Variants in ANGPT1 observed in about 807,000 individuals in gnomAD.
The protein encoded by ANGPT1 is angiopoietin 1, also known as angiopoietin-1.
A neutral mutation model predicts 62.2 loss-of-function variants in ANGPT1; 17 were observed. The observed-to-expected ratio is 0.27, with a 90% CI of 0.19 to 0.41. The LOEUF (loss-of-function observed/expected upper bound fraction) is 0.41, where lower values mean the gene tolerates loss of function less well. ANGPT1 is among the 10% of genes least tolerant of loss of function. ANGPT1 has a pLI of 1.00. For missense variants in ANGPT1, 478 were observed against 594.9 expected (o/e 0.80, Z 2.04); for synonymous variants, 199 against 198.9 (o/e 1.00, Z 0.00).
At chr8:107,342,455 T>C (rs1293576703) in intron 2 of ANGPT1, among the ~76,000 whole-genome samples, 1 of 152,158 alleles carries the variant, frequency 6.6e-6, no homozygotes, top group East Asian at 1.9e-4. Flanking sequence ...ACAGTAAACA[T>C]CTTAGGCTTG....
chr8:107,420,639 C>A (rs1563614872), intron 1 of ANGPT1, among the ~76,000 whole-genome samples: 1 of 152,020 alleles, frequency 6.6e-6, no homozygotes, highest in African/African-American at 2.4e-5. Context: ...CCTTATCAAC[C>A]CTGGAGAAAA....
intron 1 of ANGPT1, among the ~76,000 whole-genome samples, chr8:107,478,703 G>T (rs1405128041): frequency 6.6e-6 from 1 of 152,184 alleles, no homozygotes; most frequent in East Asian, 1.9e-4. Flanking sequence ...TATGTTCCTT[G>T]TCAATAGTTT....
chr8:107,486,235 T>C (rs1812811457), intron 1 of ANGPT1, among the ~76,000 whole-genome samples: 1 of 152,176 alleles, frequency 6.6e-6, no homozygotes, highest in Non-Finnish European at 1.5e-5. Context: ...AGAGGAGACA[T>C]GGCAAACGTT....
intron 2 of ANGPT1, among the ~76,000 whole-genome samples, chr8:107,338,421 A>G (rs972355936): frequency 6.6e-6 from 1 of 152,232 alleles, no homozygotes; most frequent in Non-Finnish European, 1.5e-5. Flanking sequence ...CACTTGCCTC[A>G]CCCTACAGTC....
chr8:107,289,339 TA>T (rs887191120), intron 6 of ANGPT1, among the ~76,000 whole-genome samples: 2 of 152,164 alleles, frequency 1.3e-5, no homozygotes, highest in African/African-American at 4.8e-5. Flanking sequence ...TCCAAGTTAA[TA>T]AAATAATTGT....
chr8:107,345,883 C>A (rs1236877956), intron 2 of ANGPT1, among the ~76,000 whole-genome samples: 1 of 152,046 alleles, frequency 6.6e-6, no homozygotes, highest in African/African-American at 2.4e-5. Flanking sequence ...AGTTCTTATT[C>A]AATTAGTTAA....
intron 4 of ANGPT1, among the ~76,000 whole-genome samples, chr8:107,305,805 A>T (rs1563560240): frequency 6.6e-6 from 1 of 152,052 alleles, no homozygotes; most frequent in Non-Finnish European, 1.5e-5. Flanking sequence ...GATTAGATTG[A>T]TTGTTTTTAA....
chr8:107,462,875 G>T (rs1462680787), intron 1 of ANGPT1, among the ~76,000 whole-genome samples: 2 of 152,072 alleles, frequency 1.3e-5, no homozygotes, highest in Non-Finnish European at 2.9e-5. Context: ...TAAATTGAGT[G>T]CCAAAAGTTA....
At chr8:107,421,329 G>A (rs1810890536) in intron 1 of ANGPT1, among the ~76,000 whole-genome samples, 1 of 152,056 alleles carries the variant, frequency 6.6e-6, no homozygotes, top group Admixed American at 6.6e-5. Flanking sequence ...ATGGAAATCT[G>A]CCAGTAAAAG....
At chr8:107,393,050 C>T (rs1295231350) in intron 1 of ANGPT1, among the ~76,000 whole-genome samples, 1 of 152,050 alleles carries the variant, frequency 6.6e-6, no homozygotes, top group Non-Finnish European at 1.5e-5. Context: ...ACTATTTGAA[C>T]AAGTTATGCA....
intron 8 of ANGPT1, 28 bp downstream of exon 8, chr8:107,264,193 G>C (rs764616671): frequency 6.2e-7 from 1 of 1,603,238 alleles, no homozygotes. Flanking sequence ...ATGAAACATA[G>C]CTTAGAGAAT....
intron 1 of ANGPT1, among the ~76,000 whole-genome samples, chr8:107,478,302 A>T (rs1351445644): frequency 1.3e-5 from 2 of 151,282 alleles, no homozygotes; most frequent in East Asian, 3.9e-4. Flanking sequence ...TAATCCCAGC[A>T]CTTTGGGAGG....
At chr8:107,333,975 AGGGAGGGAGGGAG>A (rs1353446080) in intron 3 of ANGPT1, among the ~76,000 whole-genome samples, 1 of 90,242 alleles carries the variant, frequency 1.1e-5, no homozygotes, top group Non-Finnish European at 2.2e-5. Flanking sequence ...GAAAGAAAGG[AGGGAGGGAGGGAG>A]GGAGGGAGGG....
chr8:107,411,470 A>T (rs941067043), intron 1 of ANGPT1, among the ~76,000 whole-genome samples: 1 of 152,206 alleles, frequency 6.6e-6, no homozygotes, highest in Non-Finnish European at 1.5e-5. Flanking sequence ...AATATGTACA[A>T]AATAAATTCA....
rs1811025495 is a variant in ANGPT1, at chr8:107,425,767, G to T, written c.297+71495C>A. Among the ~76,000 whole-genome samples the T allele has an allele frequency of 2.0e-5, 3 of 152,164 alleles. No homozygotes were observed. The South Asian group carries it at 6.2e-4, about 31-fold the overall frequency. On this transcript the variant is annotated intron_variant, in intron 1 of 8. Coordinates refer to ENST00000517746, the MANE Select transcript of ANGPT1 (RefSeq NM_001146.5). Reference sequence around the variant, plus strand: ...CCACAACTTGCATAAGAAAGCCAAAGCAAAAGAAAATATGAAATGGTTTCC... The same window carrying T: ...CCACAACTTGCATAAGAAAGCCAAATCAAAAGAAAATATGAAATGGTTTCC...
chr8:107,348,764 ATAGCATTCT>A lies in ANGPT1; in HGVS notation c.298-1676_298-1668del, dbSNP rs529395876. Among the ~76,000 whole-genome samples, 52 of 152,220 alleles carry A rather than the reference ATAGCATTCT, an allele frequency of 3.4e-4. 1 individual carries two copies. The highest frequency in any genetic ancestry group is 1.0e-3 in the Admixed American group (16 of 15,284). On this transcript the variant is annotated intron_variant, in intron 1 of 8. Coordinates refer to ENST00000517746, the MANE Select transcript of ANGPT1 (RefSeq NM_001146.5). ...CACATCCTATGTTCCCTTTTTCCTA[ATAGCATTCT>A]TTAACTTTCTTTTGGGAAGTTATCG...
At chr8:107,343,366 A>T (rs568417449) in intron 2 of ANGPT1, among the ~76,000 whole-genome samples, 11 of 152,282 alleles carry the variant, frequency 7.2e-5, no homozygotes, top group African/African-American at 2.4e-4. Flanking sequence ...TGGAAGTCTT[A>T]TCCCTCAAGG....
At chr8:107,352,533 T>G (rs1815955612) in intron 1 of ANGPT1, among the ~76,000 whole-genome samples, 1 of 152,118 alleles carries the variant, frequency 6.6e-6, no homozygotes, top group Admixed American at 6.5e-5. Context: ...GGCTTCAGTT[T>G]CATGAGAACC....
At chr8:107,427,529 A>G (rs1249820968) in intron 1 of ANGPT1, among the ~76,000 whole-genome samples, 1 of 152,162 alleles carries the variant, frequency 6.6e-6, no homozygotes, top group Non-Finnish European at 1.5e-5. Context: ...AGAGTGAGAC[A>G]CACATGGGCT....
Sources: allele counts gnomAD v4.1 joint callset (sites outside exome capture counted in the v4.1 genomes callset), GRCh38; gene constraint gnomAD v4.1.1; transcripts MANE v1.5; gene names NCBI Gene and HGNC (gene_info 2026-07-23, HGNC 2026-07-21).